TC2N: variants seen among roughly 807,000 people sequenced by gnomAD.
TC2N encodes tandem C2 domains, nuclear.
A neutral mutation model predicts 61.9 loss-of-function variants in TC2N; 51 were observed. The observed-to-expected ratio is 0.82, with a 90% CI of 0.66 to 1.04. The LOEUF is 1.04. Ranked by LOEUF, TC2N falls within the 50% of genes least tolerant of loss-of-function variation. TC2N has a pLI of 0.00. For synonymous variants in TC2N, 204 were observed against 192.6 expected (o/e 1.06, Z -0.49); for missense variants, 556 against 566.7 (o/e 0.98, Z 0.19).
intron 1 of TC2N, among the ~76,000 whole-genome samples, chr14:91,866,062 T>C (rs1337002015): frequency 6.6e-6 from 1 of 152,186 alleles, no homozygotes. Flanking sequence ...AACCAAAGTA[T>C]GTGATCCTCT....
chr14:91,862,339 C>CAAAAAAAAAAAAAA (rs56816512), intron 1 of TC2N, among the ~76,000 whole-genome samples: 10 of 106,436 alleles, frequency 9.4e-5, no homozygotes, highest in African/African-American at 3.0e-4. Context: ...GACTCTGTCT[C>CAAAAAAAAAAAAAA]AAAAAAAAAA....
At chr14:91,835,005 A>G (rs1887942350) in intron 1 of TC2N, among the ~76,000 whole-genome samples, 1 of 152,224 alleles carries the variant, frequency 6.6e-6, no homozygotes. Flanking sequence ...TATATCCACT[A>G]GACAGCTATG....
intron 8 of TC2N, among the ~76,000 whole-genome samples, chr14:91,795,033 G>T (rs1885831142): frequency 6.6e-6 from 1 of 152,146 alleles, no homozygotes; most frequent in Non-Finnish European, 1.5e-5. Flanking sequence ...GACTTTGAGG[G>T]ATTCAAAATT....
intron 3 of TC2N, among the ~76,000 whole-genome samples, chr14:91,809,547 A>C (rs1382507947): frequency 6.6e-6 from 1 of 152,206 alleles, no homozygotes; most frequent in African/African-American, 2.4e-5. Context: ...AGTAAAGAAA[A>C]GTAATACAGA....
intron 3 of TC2N, among the ~76,000 whole-genome samples, chr14:91,811,626 A>G (rs192414390): frequency 1.1e-3 from 166 of 152,222 alleles, no homozygotes; most frequent in Middle Eastern, 3.4e-3. Context: ...AAAAGTGATT[A>G]CTAACCAAAT....
intron 11 of TC2N, 47 bp from the exon 12 acceptor site, chr14:91,783,257 T>A (rs748979443): frequency 1.8e-6 from 2 of 1,086,424 alleles, no homozygotes; most frequent in Admixed American, 1.9e-5. Flanking sequence ...ACAATAATAA[T>A]AACTACATTC....
intron 1 of TC2N, among the ~76,000 whole-genome samples, chr14:91,846,220 T>G (rs1312554033): frequency 1.3e-5 from 2 of 152,200 alleles, no homozygotes; most frequent in Non-Finnish European, 2.9e-5. Flanking sequence ...GCCCTCTACT[T>G]ATTTTCTAGA....
At chr14:91,791,532 G>C (rs1224562118) in intron 9 of TC2N, among the ~76,000 whole-genome samples, 11 of 149,070 alleles carry the variant, frequency 7.4e-5, no homozygotes, top group Non-Finnish European at 1.6e-4. Flanking sequence ...GTGTTCAGTT[G>C]GCTGAGAAGC....
At chr14:91,838,629 C>T (rs1888111272) in intron 1 of TC2N, among the ~76,000 whole-genome samples, 1 of 152,258 alleles carries the variant, frequency 6.6e-6, no homozygotes, top group South Asian at 2.1e-4. Flanking sequence ...TCAATAACTA[C>T]TAATTGAAGT....
chr14:91,831,575 T>C (rs75385884), intron 1 of TC2N, among the ~76,000 whole-genome samples: 2,294 of 152,178 alleles, frequency 0.015, 53 homozygotes, highest in African/African-American at 0.05. Flanking sequence ...CACACATGTA[T>C]GGAAACTTGA....
chr14:91,823,010 G>A (rs544969166), intron 1 of TC2N, among the ~76,000 whole-genome samples: 13 of 151,728 alleles, frequency 8.6e-5, no homozygotes, highest in Non-Finnish European at 1.5e-4. Context: ...CCACCGTGCC[G>A]AGCCTATACT....
intron 1 of TC2N, among the ~76,000 whole-genome samples, chr14:91,826,364 T>C (rs1211428670): frequency 6.6e-6 from 1 of 151,498 alleles, no homozygotes; most frequent in Admixed American, 6.6e-5. Flanking sequence ...CTCTATTGAT[T>C]TTTTTTTCTG....
Position 91,845,654 on chromosome 14 carries a change from A to G in TC2N, c.-57+21608T>C, listed in dbSNP as rs1007344313. 6.6e-5 allele frequency among the ~76,000 whole-genome samples: 10 copies of G among 152,232 alleles called. 1 individual carries two copies. Among genetic ancestry groups the G allele is most frequent in the Admixed American group, 1.3e-4 (2 of 15,286 alleles). The stretch of plus-strand genomic sequence containing the variant: ...CCTTACTTTGGGTAAGGGAACATAT[A>G]TGGGAACATATTCAGAGAACTGAAC... On this transcript the variant is annotated intron_variant, in intron 1 of 11. Coordinates refer to ENST00000435962, the MANE Select transcript of TC2N (RefSeq NM_001128596.3).
intron 4 of TC2N, among the ~76,000 whole-genome samples, chr14:91,800,924 A>G (rs1044412088): frequency 1.3e-5 from 2 of 151,694 alleles, no homozygotes; most frequent in Non-Finnish European, 2.9e-5. Flanking sequence ...CTCACCCTAA[A>G]TTCACTGGTT....
At chr14:91,798,753 G>A (rs1027474915) in intron 6 of TC2N, among the ~76,000 whole-genome samples, 4 of 151,876 alleles carry the variant, frequency 2.6e-5, no homozygotes, top group Admixed American at 6.6e-5. Flanking sequence ...ATATTCAACT[G>A]CTTCATCACT....
intron 1 of TC2N, among the ~76,000 whole-genome samples, chr14:91,842,761 T>C (rs1445639237): frequency 6.6e-6 from 1 of 152,176 alleles, no homozygotes. Context: ...CTACCATCAA[T>C]ACCACAGAAG....
At chr14:91,798,247 G>C in intron 7 of TC2N, 52 bp downstream of exon 7, 1 of 979,798 alleles carries the variant, frequency 1.0e-6, no homozygotes, top group Non-Finnish European at 1.5e-6. Flanking sequence ...TGTTTACAAT[G>C]TCTAAATATT....
intron 1 of TC2N, among the ~76,000 whole-genome samples, chr14:91,863,239 C>G (rs1227633558): frequency 6.6e-6 from 1 of 152,268 alleles, no homozygotes; most frequent in Non-Finnish European, 1.5e-5. Context: ...AATATCATAG[C>G]TTGGTTTCAG....
chr14:91,790,609 A>C (rs1885597137), intron 9 of TC2N, among the ~76,000 whole-genome samples: 1 of 152,172 alleles, frequency 6.6e-6, no homozygotes, highest in South Asian at 2.1e-4. Flanking sequence ...ATTCATTCAT[A>C]TTTTCCAACG....
Sources: allele counts gnomAD v4.1 joint callset (sites outside exome capture counted in the v4.1 genomes callset), GRCh38; gene constraint gnomAD v4.1.1; transcripts MANE v1.5; gene names NCBI Gene and HGNC (gene_info 2026-07-23, HGNC 2026-07-21).